Variants in COL26A1 observed in about 807,000 individuals in gnomAD.
COL26A1 encodes collagen alpha-1(XXVI) chain.
Under a neutral mutation model 59.3 loss-of-function variants are expected in COL26A1, and 41 were observed. That is an observed-to-expected ratio of 0.69 (90% CI 0.54 to 0.90). The LOEUF is 0.90. Ranked by LOEUF, COL26A1 falls within the 40% of genes least tolerant of loss-of-function variation. The probability of loss-of-function intolerance (pLI) is 0.00; values close to 1 mark genes in which losing one functional copy is unlikely to be tolerated. For synonymous variants in COL26A1, 266 were observed against 256.0 expected, an observed-to-expected ratio of 1.04 and a Z score of -0.37; for missense variants, 612 against 602.3, an observed-to-expected ratio of 1.02 and a Z score of -0.17.
intron 3 of COL26A1, among the ~76,000 whole-genome samples, chr7:101,510,969 C>T (rs1412155073): frequency 7.1e-6 from 1 of 140,018 alleles, no homozygotes; most frequent in Non-Finnish European, 1.5e-5. Context: ...GGCACGATGT[C>T]GGCTCACTGC....
At chr7:101,529,145 A>G (rs113598452) in intron 3 of COL26A1, among the ~76,000 whole-genome samples, 5,360 of 152,262 alleles carry the variant, frequency 0.035, 127 homozygotes, top group African/African-American at 0.052. Context: ...CAGCCCAGGC[A>G]ACAGAGCAAG....
At chr7:101,535,615 G>A (rs1199830019) in intron 4 of COL26A1, among the ~76,000 whole-genome samples, 2 of 152,198 alleles carry the variant, frequency 1.3e-5, no homozygotes, top group African/African-American at 4.8e-5. Flanking sequence ...CTGTGACCCT[G>A]AGTGAGAGGA....
intron 3 of COL26A1, among the ~76,000 whole-genome samples, chr7:101,529,814 T>C (rs1234263103): frequency 6.6e-6 from 1 of 152,308 alleles, no homozygotes; most frequent in East Asian, 1.9e-4. Flanking sequence ...ATTTTCTTTA[T>C]CCAATCCACC....
intron 3 of COL26A1, among the ~76,000 whole-genome samples, chr7:101,470,243 G>A (rs1793863582): frequency 2.0e-5 from 3 of 151,954 alleles, no homozygotes; most frequent in Admixed American, 2.0e-4. Flanking sequence ...GGGATTACAG[G>A]CGCGCACCGC....
At chr7:101,451,861 C>T (rs1793348416) in intron 3 of COL26A1, among the ~76,000 whole-genome samples, 1 of 152,010 alleles carries the variant, frequency 6.6e-6, no homozygotes, top group Non-Finnish European at 1.5e-5. Context: ...TCCACCACCA[C>T]ACCCAGCTAT....
At chr7:101,448,352 A>C (rs1349315853) in intron 3 of COL26A1, among the ~76,000 whole-genome samples, 1 of 152,226 alleles carries the variant, frequency 6.6e-6, no homozygotes, top group East Asian at 1.9e-4. Context: ...GTGGGCCAGC[A>C]GTGGCAGACA....
intron 3 of COL26A1, among the ~76,000 whole-genome samples, chr7:101,516,159 A>G (rs1177367161): frequency 6.6e-6 from 1 of 152,232 alleles, no homozygotes; most frequent in African/African-American, 2.4e-5. Context: ...ACATCCAGAT[A>G]TCTTTTCTAA....
At chr7:101,541,973 AT>A (rs111971654) in intron 5 of COL26A1, among the ~76,000 whole-genome samples, 25,026 of 148,404 alleles carry the variant, frequency 0.17, 2,680 homozygotes, top group African/African-American at 0.3. Context: ...TACAGATATA[AT>A]TTTTTTTTTT....
At chr7:101,501,737 G>A (rs979252361) in intron 3 of COL26A1, among the ~76,000 whole-genome samples, 4 of 152,224 alleles carry the variant, frequency 2.6e-5, no homozygotes, top group Non-Finnish European at 5.9e-5. Context: ...TCTTGGAGGT[G>A]CATGCTCATA....
intron 2 of COL26A1, among the ~76,000 whole-genome samples, chr7:101,428,227 C>G (rs1424111199): frequency 6.6e-6 from 1 of 151,512 alleles, no homozygotes; most frequent in Non-Finnish European, 1.5e-5. Context: ...TGTGGTGGTG[C>G]ATGTCTGTAG....
intron 6 of COL26A1, among the ~76,000 whole-genome samples, chr7:101,544,588 G>A (rs911721782): frequency 2.8e-5 from 4 of 142,092 alleles, no homozygotes; most frequent in Admixed American, 7.4e-5. Flanking sequence ...ACTGGAGCAC[G>A]GTGGCACAAT....
intron 3 of COL26A1, among the ~76,000 whole-genome samples, chr7:101,492,572 C>G (rs1300402507): frequency 6.6e-6 from 1 of 151,588 alleles, no homozygotes; most frequent in Non-Finnish European, 1.5e-5. Context: ...TGGTGGGCGC[C>G]TGTAATCTCA....
At chr7:101,399,248 A>G (rs1020209849) in intron 1 of COL26A1, among the ~76,000 whole-genome samples, 3 of 152,120 alleles carry the variant, frequency 2.0e-5, no homozygotes, top group South Asian at 2.1e-4. Context: ...CAAGGCAACA[A>G]TGAGCTATAA....
At chr7:101,454,812 C>T (rs574354921) in intron 3 of COL26A1, among the ~76,000 whole-genome samples, 65 of 152,094 alleles carry the variant, frequency 4.3e-4, no homozygotes, top group African/African-American at 1.5e-3. Flanking sequence ...TTAAAAGGTG[C>T]CTTTAAACAG....
intron 3 of COL26A1, among the ~76,000 whole-genome samples, chr7:101,511,266 G>A (rs1326826071): frequency 6.6e-6 from 1 of 152,234 alleles, no homozygotes; most frequent in African/African-American, 2.4e-5. Flanking sequence ...TGGCGCACGG[G>A]CAGAGGCCCT....
chr7:101,494,851 C>A (rs892972084), intron 3 of COL26A1, among the ~76,000 whole-genome samples: 4 of 152,178 alleles, frequency 2.6e-5, no homozygotes, highest in South Asian at 2.1e-4. Context: ...GCGTACACTG[C>A]AGGTTGGAAG....
chr7:101,530,918 T>C (rs546778713), intron 3 of COL26A1, among the ~76,000 whole-genome samples: 2 of 152,270 alleles, frequency 1.3e-5, no homozygotes, highest in African/African-American at 4.8e-5. Context: ...CCTTTCCCTT[T>C]GCTTTGTGGA....
chr7:101,409,413 T>C (rs1792195162), intron 1 of COL26A1, among the ~76,000 whole-genome samples: 1 of 152,240 alleles, frequency 6.6e-6, no homozygotes, highest in East Asian at 1.9e-4. Context: ...TTCTGTGACT[T>C]GTGGTCTTCT....
intron 2 of COL26A1, among the ~76,000 whole-genome samples, chr7:101,446,512 C>T (rs567019735): frequency 6.6e-6 from 1 of 152,292 alleles, no homozygotes; most frequent in African/African-American, 2.4e-5. Flanking sequence ...ACCTTGCCTG[C>T]TGCTTAGACA....
Sources: allele counts gnomAD v4.1 joint callset (sites outside exome capture counted in the v4.1 genomes callset), GRCh38; gene constraint gnomAD v4.1.1; transcripts MANE v1.5; gene names NCBI Gene and HGNC (gene_info 2026-07-23, HGNC 2026-07-21).